PTPRD: variants seen among roughly 807,000 people sequenced by gnomAD.
The protein encoded by PTPRD is protein tyrosine phosphatase receptor type D.
PTPRD carries 34 observed loss-of-function variants against 214.5 expected under a neutral mutation model. That is an observed-to-expected ratio of 0.16 (90% CI 0.12 to 0.21). The LOEUF is 0.21. Ranked by LOEUF, PTPRD falls within the 10% of genes least tolerant of loss-of-function variation. PTPRD has a pLI of 1.00. For missense variants in PTPRD, 2,545 were observed against 2,398.7 expected, an observed-to-expected ratio of 1.06 and a Z score of -1.27; for synonymous variants, 1,128 against 845.7, an observed-to-expected ratio of 1.33 and a Z score of -5.79.
chr9:10,572,222 C>T (rs576611745), intron 2 of PTPRD, among the ~76,000 whole-genome samples: 11 of 152,116 alleles, frequency 7.2e-5, no homozygotes, highest in African/African-American at 2.6e-4. Context: ...GGCTTAGGGG[C>T]TATATAGGGA....
chr9:8,693,755 C>A (rs1229583707), intron 12 of PTPRD, among the ~76,000 whole-genome samples: 1 of 152,166 alleles, frequency 6.6e-6, no homozygotes, highest in African/African-American at 2.4e-5. Context: ...TCTGAGAAGT[C>A]CCATAGTAAA....
chr9:10,359,646 T>C (rs2097340024), intron 2 of PTPRD, among the ~76,000 whole-genome samples: 1 of 152,104 alleles, frequency 6.6e-6, no homozygotes, highest in Non-Finnish European at 1.5e-5. Context: ...CTCGAAAATA[T>C]CTGTTTTATA....
At chr9:9,301,690 G>C (rs1051724217) in intron 9 of PTPRD, among the ~76,000 whole-genome samples, 3 of 151,846 alleles carry the variant, frequency 2.0e-5, no homozygotes, top group Admixed American at 6.6e-5. Flanking sequence ...GAGAAATAGG[G>C]ATTACTATGG....
intron 39 of PTPRD, among the ~76,000 whole-genome samples, chr9:8,371,045 C>G (rs2081364189): frequency 6.6e-6 from 1 of 152,038 alleles, no homozygotes; most frequent in African/African-American, 2.4e-5. Flanking sequence ...CTCAACTATC[C>G]TGAACTATTA....
intron 11 of PTPRD, among the ~76,000 whole-genome samples, chr9:8,735,334 A>G (rs2090001991): frequency 6.6e-6 from 1 of 151,348 alleles, no homozygotes; most frequent in South Asian, 2.1e-4. Context: ...AGTAGAGGCA[A>G]GGTTTCACCA....
chr9:9,931,023 TG>T (rs1215283571), intron 5 of PTPRD, among the ~76,000 whole-genome samples: 1 of 152,160 alleles, frequency 6.6e-6, no homozygotes, highest in African/African-American at 2.4e-5. Context: ...ACTCCAATTC[TG>T]TATTATAACT....
At chr9:9,108,478 C>G (rs139859624) in intron 10 of PTPRD, among the ~76,000 whole-genome samples, 1 of 152,280 alleles carries the variant, frequency 6.6e-6, no homozygotes, top group East Asian at 1.9e-4. Flanking sequence ...TTCTTTCTCA[C>G]TCTTACAAAG....
chr9:9,799,417 T>A (rs189768587), intron 5 of PTPRD: 2 of 152,296 alleles, frequency 1.3e-5, no homozygotes, highest in East Asian at 3.9e-4. Context: ...CACAATGTTT[T>A]GAAGCCCTAA....
At chr9:8,372,955 T>G (rs1345755370) in intron 39 of PTPRD, among the ~76,000 whole-genome samples, 1 of 152,042 alleles carries the variant, frequency 6.6e-6, no homozygotes, top group Non-Finnish European at 1.5e-5. Flanking sequence ...ACTTTGTCAC[T>G]ACTTCTTTAA....
rs986496347 is a variant in PTPRD, at chr9:9,671,746, T to C, written c.-287+62787A>G. Among the ~76,000 whole-genome samples, 9 of 152,278 alleles carry C rather than the reference T, an allele frequency of 5.9e-5. No individual in the cohort carries two copies. In the East Asian group the frequency reaches 1.2e-3, roughly 20 times the overall value. On this transcript the variant is annotated intron_variant, in intron 7 of 45. Transcript: ENST00000381196. ...TCATTTTCTGTTGCCACCACCGCCA[T>C]GTCAGAAGTGCCTTTCACCTCCCGC...
intron 2 of PTPRD, among the ~76,000 whole-genome samples, chr9:10,478,634 C>A (rs2099077958): frequency 6.6e-6 from 1 of 152,054 alleles, no homozygotes; most frequent in African/African-American, 2.4e-5. Flanking sequence ...CTGAGAAAAA[C>A]ACTAAACTTT....
chr9:9,211,087 G>C (rs1390576886), intron 9 of PTPRD, among the ~76,000 whole-genome samples: 2 of 151,974 alleles, frequency 1.3e-5, no homozygotes, highest in Non-Finnish European at 2.9e-5. Flanking sequence ...GTGAGTGTGT[G>C]TGTGTGTGTA....
rs556927825 is a variant in PTPRD, at chr9:9,132,314, A to G, written c.-143+50990T>C. ...GTGAGCCACCATGCCAGGCCTGGCC[A>G]CTAGTTTTGAAGGTTGTGAATTTTC... is the stretch of plus-strand genomic sequence containing the variant. On this transcript the variant is annotated intron_variant, in intron 10 of 45. Coordinates refer to ENST00000381196, the MANE Select transcript of PTPRD (RefSeq NM_002839.4). Among the ~76,000 whole-genome samples the G allele has an allele frequency of 3.3e-5, 5 of 152,248 alleles. No homozygotes were observed. The South Asian group carries it at 1.0e-3, about 32-fold the overall frequency.
intron 14 of PTPRD, among the ~76,000 whole-genome samples, chr9:8,530,226 G>A (rs574486023): frequency 6.6e-6 from 1 of 152,114 alleles, no homozygotes; most frequent in Non-Finnish European, 1.5e-5. Flanking sequence ...TCCCTCTAGA[G>A]CCGAGGGGTA....
intron 9 of PTPRD, among the ~76,000 whole-genome samples, chr9:9,331,192 A>G (rs1186750258): frequency 1.3e-5 from 2 of 152,004 alleles, no homozygotes; most frequent in African/African-American, 2.4e-5. Context: ...TCTCTCCAAA[A>G]CCAGCTTTCA....
chr9:8,748,386 G>C lies in PTPRD; in HGVS notation c.-103-14440C>G, dbSNP rs1040385473. 4.0e-5 allele frequency among the ~76,000 whole-genome samples: 6 copies of C among 151,800 alleles called. No homozygotes were observed. The South Asian group carries it at 1.3e-3, about 32-fold the overall frequency. ...AAATAGCCAATCATCTATTGCCTGA[G>C]AGCACAGCAGGAGGGACAAGGATCA... On this transcript the variant is annotated intron_variant, in intron 11 of 45. Coordinates refer to ENST00000381196, the MANE Select transcript of PTPRD (RefSeq NM_002839.4).
chr9:8,360,902 A>C (rs1301880373), intron 39 of PTPRD, among the ~76,000 whole-genome samples: 1 of 152,200 alleles, frequency 6.6e-6, no homozygotes, highest in Non-Finnish European at 1.5e-5. Flanking sequence ...ACTTTTACCC[A>C]TACTTATTTG....
chr9:8,776,246 T>G (rs764265643), intron 11 of PTPRD, among the ~76,000 whole-genome samples: 9 of 152,192 alleles, frequency 5.9e-5, no homozygotes, highest in Non-Finnish European at 1.2e-4. Context: ...AGGCTCAGTT[T>G]GCCATGGGTA....
intron 12 of PTPRD, among the ~76,000 whole-genome samples, chr9:8,725,725 T>C (rs909790782): frequency 6.6e-6 from 1 of 152,222 alleles, no homozygotes; most frequent in South Asian, 2.1e-4. Context: ...AAGTGTGTGC[T>C]ATATTTATCT....
Sources: allele counts gnomAD v4.1 joint callset (sites outside exome capture counted in the v4.1 genomes callset), GRCh38; gene constraint gnomAD v4.1.1; transcripts MANE v1.5; gene names NCBI Gene and HGNC (gene_info 2026-07-23, HGNC 2026-07-21).